The following ITSN1 variants were observed in gnomAD, a reference collection of about 807,000 sequenced individuals.
The protein encoded by ITSN1 is intersectin 1.
In ITSN1, 58 loss-of-function variants were observed where a neutral mutation model predicts 239.8. That is an observed-to-expected ratio of 0.24 (90% CI 0.20 to 0.30). ITSN1 has a LOEUF of 0.30. ITSN1 is among the 10% of genes least tolerant of loss of function. ITSN1 has a pLI of 1.00. For synonymous variants in ITSN1, 780 were observed against 770.8 expected (o/e 1.01, Z -0.20); for missense variants, 1,558 against 2,103.3 (o/e 0.74, Z 5.07).
At chr21:33,734,526 A>G (rs2066379743) in intron 4 of ITSN1, among the ~76,000 whole-genome samples, 1 of 152,180 alleles carries the variant, frequency 6.6e-6, no homozygotes, top group Non-Finnish European at 1.5e-5. Flanking sequence ...TAGGTAGCAT[A>G]GCATACTGTG....
intron 16 of ITSN1, among the ~76,000 whole-genome samples, chr21:33,787,230 A>C (rs2070747467): frequency 6.6e-6 from 1 of 152,214 alleles, no homozygotes; most frequent in South Asian, 2.1e-4. Context: ...GCTTGTCTGC[A>C]AAAATGTGAA....
intron 3 of ITSN1, 108 bp from the exon 4 acceptor site, chr21:33,722,480 A>G: frequency 1.5e-6 from 2 of 1,333,586 alleles, no homozygotes; most frequent in East Asian, 2.6e-5. Context: ...ACTGGTATTT[A>G]TAGTATTACC....
rs182885878 is a variant in ITSN1, at chr21:33,691,976, C to A, written c.-32-26821C>A. On this transcript the variant is annotated intron_variant, in intron 1 of 39. Transcript: ENST00000381318. ...GACCTAACAAGATTGTTGCCGAAGG[C>A]AGGCCTAGAATGTATACATCAAAGG... is the stretch of plus-strand genomic sequence containing the variant. Among the ~76,000 whole-genome samples the A allele has an allele frequency of 6.6e-5, 10 of 152,288 alleles. No individual in the cohort carries two copies. In the East Asian group the frequency reaches 1.9e-3, roughly 29 times the overall value.
chr21:33,774,648 T>C lies in ITSN1; in HGVS notation c.1306-81T>C, dbSNP rs1007679339. The C allele has an allele frequency of 2.2e-6, 3 of 1,357,368 alleles. No homozygotes were observed. In the East Asian group the frequency reaches 7.2e-5, roughly 33 times the overall value. 84.1% of individuals were successfully genotyped at this position (1,357,368 alleles called of 1,614,324 possible). ...TATTTCATCCCTAAAAGGAAAGACT[T>C]CCTAGATGCCATTTTTGTGAAAAGA... On this transcript the variant is annotated intron_variant, in intron 12 of 39. Coordinates refer to ENST00000381318, the MANE Select transcript of ITSN1 (RefSeq NM_003024.3).
At chr21:33,884,987 G>A in intron 36 of ITSN1, 54 bp from the exon 37 acceptor site, 2 of 1,334,516 alleles carry the variant, frequency 1.5e-6, no homozygotes, top group Non-Finnish European at 2.2e-6. Context: ...GAACAGACCT[G>A]AAGCCTTTTT....
intron 17 of ITSN1, among the ~76,000 whole-genome samples, chr21:33,795,874 T>G (rs1374597001): frequency 1.3e-5 from 2 of 151,770 alleles, no homozygotes; most frequent in Non-Finnish European, 2.9e-5. Flanking sequence ...AGATAAAAAC[T>G]GCAAATTAAC....
intron 22 of ITSN1, chr21:33,817,386 A>G (rs1036874110): frequency 2.0e-5 from 26 of 1,304,270 alleles, no homozygotes; most frequent in Non-Finnish European, 2.5e-5. Context: ...CTAGCTGTCA[A>G]AGTCCTTCTC....
At chr21:33,761,888 C>G (rs2068356048) in intron 8 of ITSN1, 35 bp from the exon 9 acceptor site, 1 of 1,519,602 alleles carries the variant, frequency 6.6e-7, no homozygotes, top group Non-Finnish European at 9.1e-7. Flanking sequence ...TATTTGCTGA[C>G]TCATCTGTAT....
intron 12 of ITSN1, chr21:33,774,417 A>C (rs2069430207): frequency 5.0e-6 from 1 of 199,904 alleles, no homozygotes; most frequent in Admixed American, 5.8e-5. Flanking sequence ...AGTAAATAAG[A>C]AGGAGCATTT....
At chr21:33,705,189 G>GATCA (rs1166085235) in intron 1 of ITSN1, among the ~76,000 whole-genome samples, 1 of 151,422 alleles carries the variant, frequency 6.6e-6, no homozygotes, top group African/African-American at 2.4e-5. Flanking sequence ...TTTTATATTG[G>GATCA]ATCAGTATAG....
At position 33,732,940 on chromosome 21, in the gene ITSN1, G is replaced by A. The variant is rs180890752; in HGVS notation, c.186-2104G>A. Among the ~76,000 whole-genome samples the A allele has an allele frequency of 1.2e-3, 181 of 152,180 alleles. 1 individual carries two copies. The highest frequency in any genetic ancestry group is 4.0e-3 in the African/African-American group (168 of 41,516). On this transcript the variant is annotated intron_variant, in intron 4 of 39. Transcript: ENST00000381318. ...AAGGAAATAGTATATTTGAACAACC[G>A]GAAAGATTGTCTTTTCTTTGGTTGG...
Position 33,774,790 on chromosome 21 carries a change from A to G in ITSN1, c.1367A>G (p.Glu456Gly). The G allele has an allele frequency of 6.2e-7, 1 of 1,614,094 alleles. No individual in the cohort carries two copies. Residue 456 changes from glutamate (E) to glycine (G), a missense_variant, in exon 13 of 40, where the codon GAA (glutamate) becomes GGA (glycine). By Grantham distance (98) the Glu-to-Gly change is moderately conservative. Around this residue, in one of 2 missense-constraint regions of ITSN1, gnomAD observed 982 missense variants for 1,209.9 expected, o/e 0.81. Coordinates refer to ENST00000381318, the MANE Select transcript of ITSN1 (RefSeq NM_003024.3). The stretch of plus-strand genomic sequence containing the variant: ...GAGTGGGAACGGAATCGAAGGCAAG[A>G]ACTACTAAATCAAAGAAACAAAGAA... ...QLEWERNRRQ[E>G]LLNQRNKEQE...
In ITSN1 at chr21:33,878,213, TG is replaced by T. The variant is rs1333076358; in HGVS notation, c.4341+2693del. Among the ~76,000 whole-genome samples, 17 of 152,082 alleles carry T rather than the reference TG, an allele frequency of 1.1e-4. No individual in the cohort carries two copies. The East Asian group carries it at 3.3e-3, about 30-fold the overall frequency. On this transcript the variant is annotated intron_variant, in intron 34 of 39. Coordinates refer to ENST00000381318, the MANE Select transcript of ITSN1 (RefSeq NM_003024.3). ...GCCCAGCTAATGATTCTATTTTTTT[TG>T]TAGAGACAAGGACTCACCATGTTGC...
At chr21:33,859,965 G>A (rs114819832) in intron 31 of ITSN1, among the ~76,000 whole-genome samples, 3,892 of 152,308 alleles carry the variant, frequency 0.026, 176 homozygotes, top group African/African-American at 0.087. Flanking sequence ...CTCTGGCTGT[G>A]TGTCTTCTGG....
intron 1 of ITSN1, among the ~76,000 whole-genome samples, chr21:33,714,793 G>T (rs1339097996): frequency 6.6e-6 from 1 of 152,018 alleles, no homozygotes; most frequent in East Asian, 1.9e-4. Context: ...GCCATTTGTT[G>T]CATAGTATTA....
intron 33 of ITSN1, among the ~76,000 whole-genome samples, chr21:33,868,731 G>T (rs1166100547): frequency 1.3e-5 from 2 of 152,204 alleles, no homozygotes; most frequent in Admixed American, 6.5e-5. Context: ...GAGGGAGGGG[G>T]CTTCGGCCTT....
Position 33,813,984 on chromosome 21 carries a change from C to T in ITSN1, c.2639C>T (p.Thr880Ile). The T allele has an allele frequency of 1.2e-6, 2 of 1,614,192 alleles. No individual in the cohort carries two copies. The highest frequency in any genetic ancestry group is 1.7e-6 in the Non-Finnish European group (2 of 1,180,034). The change falls in exon 22 of 40, where the codon ACC (threonine) becomes ATC (isoleucine). Residue 880 changes from threonine (T) to isoleucine (I), a missense_variant. Thr to Ile is a moderately conservative substitution (Grantham distance 89). Coordinates refer to ENST00000381318, the MANE Select transcript of ITSN1 (RefSeq NM_003024.3). The part of the protein sequence containing the change: ...WDAWAAQPSL[T>I]VPSAGQLRQR... Reference sequence around the variant, plus strand: ...GCATGGGCAGCCCAGCCCTCTCTCACCGTTCCAAGTGCCGGCCAGTTAAGG... The same window carrying T: ...GCATGGGCAGCCCAGCCCTCTCTCATCGTTCCAAGTGCCGGCCAGTTAAGG...
In ITSN1 at chr21:33,767,720, C is replaced by G. The variant is rs1355286586; in HGVS notation, c.934C>G (p.Arg312Gly). Residue 312 changes from arginine (R) to glycine (G), a missense_variant, in exon 11 of 40, where the codon CGA (arginine) becomes GGA (glycine). This residue lies in a region of ITSN1 where 982 missense variants were observed against 1,209.9 expected (regional missense o/e 0.81). Coordinates refer to ENST00000381318, the MANE Select transcript of ITSN1 (RefSeq NM_003024.3). The part of the protein sequence containing the change: ...EYIPPSFRRV[R>G]SGSGISVISS... ...TTTTCCCCGCAATTGCAGAAGAGTT[C>G]GATCTGGCAGTGGTATATCTGTCAT... 6.3e-7 allele frequency: 1 copy of G among 1,598,174 alleles called. No individual in the cohort carries two copies. Among genetic ancestry groups the G allele is most frequent in the South Asian group, 1.1e-5 (1 of 88,718 alleles).
At position 33,838,900 on chromosome 21, in the gene ITSN1, A is replaced by G. The variant is rs868230544; in HGVS notation, c.3661+2268A>G. Reference sequence around the variant, plus strand: ...CACCCCCAAAATTATGTGGGTAAAGACAGAAACTTGCACATGCCCCACGTT... The same window carrying G: ...CACCCCCAAAATTATGTGGGTAAAGGCAGAAACTTGCACATGCCCCACGTT... On this transcript the variant is annotated intron_variant, in intron 29 of 39. Coordinates refer to ENST00000381318, the MANE Select transcript of ITSN1 (RefSeq NM_003024.3). Among the ~76,000 whole-genome samples, 8 of 152,280 alleles carry G rather than the reference A, an allele frequency of 5.3e-5. 1 individual carries two copies. The Middle Eastern group carries it at 0.014, about 259-fold the overall frequency.
Sources: gnomAD v4.1 joint callset for allele counts (sites outside exome capture counted in the v4.1 genomes callset) on GRCh38, gnomAD v4.1.1 for gene constraint, gnomAD v4.1.1 regional missense constraint, MANE v1.5 for transcripts, NCBI Gene and HGNC (gene_info 2026-07-23, HGNC 2026-07-21) for gene names.